Variants in KCND2 observed in about 807,000 individuals in gnomAD.
KCND2 encodes A-type voltage-gated potassium channel KCND2.
In KCND2, 16 loss-of-function variants were observed where a neutral mutation model predicts 54.4. The ratio of observed to expected loss-of-function variants is 0.29; its 90% CI spans 0.20 to 0.45. The LOEUF is 0.45. Ranked by LOEUF, KCND2 falls within the 20% of genes least tolerant of loss-of-function variation. The pLI is 1.00. For synonymous variants in KCND2, 317 were observed against 310.7 expected, an observed-to-expected ratio of 1.02 and a Z score of -0.21; for missense variants, 486 against 824.2, an observed-to-expected ratio of 0.59 and a Z score of 5.02.
At chr7:120,721,522 AAGTTTGTT>A (rs1792665703) in intron 1 of KCND2, among the ~76,000 whole-genome samples, 1 of 152,182 alleles carries the variant, frequency 6.6e-6, no homozygotes, top group African/African-American at 2.4e-5. Context: ...ATCAAAAACA[AAGTTTGTT>A]TAAGGATATA....
chr7:120,329,419 C>G (rs1245947874), intron 1 of KCND2, among the ~76,000 whole-genome samples: 1 of 151,938 alleles, frequency 6.6e-6, no homozygotes, highest in Non-Finnish European at 1.5e-5. Flanking sequence ...CCCACTCATA[C>G]CTTCTGAATC....
chr7:120,507,609 A>T (rs1803046188), intron 1 of KCND2, among the ~76,000 whole-genome samples: 1 of 151,910 alleles, frequency 6.6e-6, no homozygotes, highest in South Asian at 2.1e-4. Context: ...CTGCCGCAAC[A>T]ACTATCTTAG....
Position 120,600,213 on chromosome 7 carries a change from A to G in KCND2, c.1116-132690A>G, listed in dbSNP as rs535810727. 2.5e-3 allele frequency among the ~76,000 whole-genome samples: 385 copies of G among 152,050 alleles called. 3 individuals are homozygous for G. The highest frequency in any genetic ancestry group is 9.0e-3 in the African/African-American group (372 of 41,546). On this transcript the variant is annotated intron_variant, in intron 1 of 5. Coordinates refer to ENST00000331113, the MANE Select transcript of KCND2 (RefSeq NM_012281.3). ...TATTTATGGAATGAAATCAGACTTC[A>G]ACCTTTCAATGACACTCCATAATCC... is the stretch of plus-strand genomic sequence containing the variant.
At chr7:120,585,534 T>C (rs1792586649) in intron 1 of KCND2, among the ~76,000 whole-genome samples, 1 of 152,148 alleles carries the variant, frequency 6.6e-6, no homozygotes, top group Non-Finnish European at 1.5e-5. Flanking sequence ...AGCATGGGTC[T>C]GAATTCAGGT....
intron 1 of KCND2, among the ~76,000 whole-genome samples, chr7:120,479,615 G>A (rs1464750325): frequency 6.6e-6 from 1 of 151,374 alleles, no homozygotes. Context: ...TTTAATTTTA[G>A]TGAGTTTGTG....
chr7:120,745,831 G>C lies in KCND2; in HGVS notation c.1519G>C (p.Ala507Pro), dbSNP rs1207015679. Residue 507 changes from alanine to proline, a missense_variant, in exon 5 of 6, where the codon GCA becomes CCA. Around this residue, in one of 7 missense-constraint regions of KCND2, gnomAD observed 202 missense variants for 252.7 expected, o/e 0.80. Transcript: ENST00000331113. ...CTTTGAAGAAAGCTGCATGGAAGTT[G>C]CAACTGTTAATCGTCCTTCAAGTCA... ...QVFEESCMEV[A>P]TVNRPSSHSP... is the part of the protein sequence containing the mutation. The C allele has an allele frequency of 3.7e-6, 6 of 1,613,590 alleles. No homozygotes were observed. Among genetic ancestry groups the C allele is most frequent in the Non-Finnish European group, 4.2e-6 (5 of 1,179,734 alleles).
chr7:120,647,624 G>A (rs1468011409), intron 1 of KCND2, among the ~76,000 whole-genome samples: 1 of 152,070 alleles, frequency 6.6e-6, no homozygotes, highest in East Asian at 1.9e-4. Flanking sequence ...AGAAAAGAAC[G>A]GCTAATTATT....
At chr7:120,723,979 G>A (rs565616942) in intron 1 of KCND2, among the ~76,000 whole-genome samples, 30 of 152,258 alleles carry the variant, frequency 2.0e-4, no homozygotes, top group African/African-American at 7.2e-4. Flanking sequence ...AAAAACTGAG[G>A]TGGTGACATG....
chr7:120,345,203 TA>T (rs1800296828), intron 1 of KCND2, among the ~76,000 whole-genome samples: 1 of 152,146 alleles, frequency 6.6e-6, no homozygotes, highest in Non-Finnish European at 1.5e-5. Flanking sequence ...TCCAGGTGCC[TA>T]AAATGTAGGA....
intron 1 of KCND2, among the ~76,000 whole-genome samples, chr7:120,492,210 T>C (rs1802792595): frequency 6.6e-6 from 1 of 152,086 alleles, no homozygotes. Context: ...CACAAGTCTA[T>C]GTTCTCTGTG....
intron 1 of KCND2, among the ~76,000 whole-genome samples, chr7:120,506,332 A>G (rs1803018496): frequency 6.6e-6 from 1 of 151,852 alleles, no homozygotes. Context: ...TAATTAGATT[A>G]GAGCACCATA....
intron 1 of KCND2, among the ~76,000 whole-genome samples, chr7:120,393,357 A>T (rs1801105805): frequency 6.6e-6 from 1 of 152,018 alleles, no homozygotes; most frequent in Admixed American, 6.6e-5. Context: ...CTTTCTAATA[A>T]TCCATGGAAA....
chr7:120,585,710 G>A (rs1792589589), intron 1 of KCND2, among the ~76,000 whole-genome samples: 1 of 152,084 alleles, frequency 6.6e-6, no homozygotes, highest in African/African-American at 2.4e-5. Context: ...CAAGAATCTG[G>A]GCCAGGGCAC....
intron 1 of KCND2, among the ~76,000 whole-genome samples, chr7:120,583,504 G>GA (rs2116446722): frequency 6.6e-6 from 1 of 152,252 alleles, no homozygotes; most frequent in South Asian, 2.1e-4. Context: ...CAGTTCTGGA[G>GA]AAAATGCAGA....
intron 1 of KCND2, among the ~76,000 whole-genome samples, chr7:120,320,548 A>G (rs893635527): frequency 6.6e-5 from 10 of 152,208 alleles, no homozygotes; most frequent in African/African-American, 2.4e-4. Context: ...CCTGTCAAAG[A>G]CAGGGGATCA....
intron 1 of KCND2, among the ~76,000 whole-genome samples, chr7:120,276,395 T>C (rs1584707295): frequency 6.6e-6 from 1 of 152,184 alleles, no homozygotes; most frequent in African/African-American, 2.4e-5. Flanking sequence ...GGAATTAAAT[T>C]TGCAACATAT....
intron 1 of KCND2, among the ~76,000 whole-genome samples, chr7:120,582,948 G>T (rs1222868296): frequency 1.1e-5 from 1 of 94,014 alleles, no homozygotes; most frequent in Non-Finnish European, 2.6e-5. Context: ...TGCTCTGTGT[G>T]TGTGTATGTG....
intron 1 of KCND2, among the ~76,000 whole-genome samples, chr7:120,441,641 G>A (rs1801946672): frequency 6.6e-6 from 1 of 152,070 alleles, no homozygotes; most frequent in Admixed American, 6.6e-5. Context: ...TCTCTTTTAT[G>A]TAACATGCAG....
chr7:120,517,393 A>G (rs1803212398), intron 1 of KCND2, among the ~76,000 whole-genome samples: 2 of 152,112 alleles, frequency 1.3e-5, no homozygotes, highest in South Asian at 4.1e-4. Flanking sequence ...AAAACTATAC[A>G]TAGCTAAAGT....
Sources: gnomAD v4.1 joint callset for allele counts (sites outside exome capture counted in the v4.1 genomes callset) on GRCh38, gnomAD v4.1.1 for gene constraint, gnomAD v4.1.1 regional missense constraint, MANE v1.5 for transcripts, NCBI Gene and HGNC (gene_info 2026-07-23, HGNC 2026-07-21) for gene names.